The following BTG4 variants were observed in gnomAD, a reference collection of about 807,000 sequenced individuals.
The protein encoded by BTG4 is BTG anti-proliferation factor 4.
In BTG4, 10 loss-of-function variants were observed where a neutral mutation model predicts 19.3. The ratio of observed to expected loss-of-function variants is 0.52; its 90% CI spans 0.32 to 0.88. The LOEUF is 0.88. BTG4 is among the 40% of genes least tolerant of loss of function. BTG4 has a pLI of 0.04. For missense variants in BTG4, 238 were observed against 281.9 expected, an observed-to-expected ratio of 0.84 and a Z score of 1.11; for synonymous variants, 91 against 95.7, an observed-to-expected ratio of 0.95 and a Z score of 0.29.
upstream of BTG4, chr11:111,514,386 G>A (rs1385978611): frequency 3.9e-6 from 1 of 258,456 alleles, no homozygotes. Flanking sequence ...CACCTAGCAG[G>A]TGCTGTCCCT....
At chr11:111,442,101 C>T in the BTG4 span, among the ~76,000 whole-genome samples, 154 of 152,040 alleles carry the variant, frequency 1.0e-3, no homozygotes, top group African/African-American at 3.4e-3. Flanking sequence ...ACATAAGAGA[C>T]CAGAGCATAG....
chr11:111,403,547 C>A, the BTG4 span, among the ~76,000 whole-genome samples: 1 of 152,208 alleles, frequency 6.6e-6, no homozygotes, highest in Non-Finnish European at 1.5e-5. Flanking sequence ...GTCCATTCAA[C>A]CAAAACTAAC....
chr11:111,452,855 T>C, the BTG4 span, among the ~76,000 whole-genome samples: 2 of 152,144 alleles, frequency 1.3e-5, no homozygotes, highest in African/African-American at 4.8e-5. Flanking sequence ...GAAGAGTTGA[T>C]GCCTGAATGA....
chr11:111,501,241 G>GT lies in BTG4; in HGVS notation c.-26-2440dup, dbSNP rs1172952098. Among the ~76,000 whole-genome samples the GT allele has an allele frequency of 7.2e-5, 11 of 152,138 alleles. 1 individual carries two copies. The highest frequency in any genetic ancestry group is 7.2e-4 in the Admixed American group (11 of 15,270). ...AGTCAGCTTGATGTGGCATGTACCTGTAGCCCTAGCTACTCGAAAGGCTGA... is the reference window on the plus strand; with the variant it reads ...AGTCAGCTTGATGTGGCATGTACCTGTTAGCCCTAGCTACTCGAAAGGCTGA... On this transcript the variant is annotated intron_variant, in intron 1 of 4. Coordinates refer to ENST00000692032, the MANE Select transcript of BTG4 (RefSeq NM_001367975.1).
chr11:111,405,585 G>A, the BTG4 span, among the ~76,000 whole-genome samples: 1 of 152,114 alleles, frequency 6.6e-6, no homozygotes, highest in Non-Finnish European at 1.5e-5. Flanking sequence ...CTTTTTCAGG[G>A]GTGGATTGAT....
chr11:111,473,419 A>T (rs1591454580), intron 5 of BTG4: 1 of 152,654 alleles, frequency 6.6e-6, no homozygotes, highest in African/African-American at 2.4e-5. Context: ...GGGAGTGAAG[A>T]TAAGGTGAGA....
At chr11:111,438,107 G>A in the BTG4 span, among the ~76,000 whole-genome samples, 1 of 152,236 alleles carries the variant, frequency 6.6e-6, no homozygotes, top group Non-Finnish European at 1.5e-5. Flanking sequence ...CTGCTTAAAG[G>A]AAGAGGGGAA....
chr11:111,489,031 G>A (rs560700841), intron 5 of BTG4, among the ~76,000 whole-genome samples: 1 of 86,618 alleles, frequency 1.2e-5, no homozygotes, highest in South Asian at 5.8e-4. Flanking sequence ...TGTAATTCCA[G>A]CTACTCGGGA....
chr11:111,481,493 C>T (rs1864738909), intron 5 of BTG4, among the ~76,000 whole-genome samples: 1 of 151,542 alleles, frequency 6.6e-6, no homozygotes, highest in South Asian at 2.1e-4. Context: ...TATAGTATTA[C>T]TCTGATAACA....
At chr11:111,425,979 C>T in the BTG4 span, among the ~76,000 whole-genome samples, 6 of 151,896 alleles carry the variant, frequency 4.0e-5, no homozygotes, top group Middle Eastern at 3.4e-3. Context: ...TTCAGTGAGC[C>T]GAGATTGCGC....
the BTG4 span, among the ~76,000 whole-genome samples, chr11:111,440,962 A>T: frequency 6.6e-6 from 1 of 152,132 alleles, no homozygotes; most frequent in African/African-American, 2.4e-5. Context: ...TGTATGCAAT[A>T]CCTGGTCAGA....
chr11:111,405,527 A>G, the BTG4 span, among the ~76,000 whole-genome samples: 1 of 149,592 alleles, frequency 6.7e-6, no homozygotes, highest in Admixed American at 6.6e-5. Context: ...TTTCTGGGAC[A>G]CCAGGCAAGC....
At chr11:111,491,349 G>C (rs1167634682), downstream of BTG4, among the ~76,000 whole-genome samples, 1 of 152,116 alleles carries the variant, frequency 6.6e-6, no homozygotes, top group African/African-American at 2.4e-5. Context: ...CTAAAGTTTT[G>C]CAAAATGTTA....
At chr11:111,499,710 T>C (rs1039912958) in intron 1 of BTG4, among the ~76,000 whole-genome samples, 10 of 152,316 alleles carry the variant, frequency 6.6e-5, no homozygotes, top group African/African-American at 2.4e-4. Context: ...GAGCAGTCAT[T>C]ATGTTGACTA....
the BTG4 span, among the ~76,000 whole-genome samples, chr11:111,432,839 T>G: frequency 1.1e-4 from 16 of 152,204 alleles, no homozygotes; most frequent in Non-Finnish European, 1.8e-4. Flanking sequence ...CTATTTCTAC[T>G]TCTTAAGTAA....
At chr11:111,509,197 T>C (rs1640588090) in intron 1 of BTG4, among the ~76,000 whole-genome samples, 1 of 152,176 alleles carries the variant, frequency 6.6e-6, no homozygotes, top group Non-Finnish European at 1.5e-5. Flanking sequence ...TCATTTTAGC[T>C]CAAAAGAAAA....
At chr11:111,422,941 T>C in the BTG4 span, among the ~76,000 whole-genome samples, 1 of 152,152 alleles carries the variant, frequency 6.6e-6, no homozygotes, top group Admixed American at 6.5e-5. Context: ...ACCTCTCTGT[T>C]TTCCCCCACC....
chr11:111,510,364 C>T (rs955439471), intron 1 of BTG4, among the ~76,000 whole-genome samples: 5 of 152,192 alleles, frequency 3.3e-5, no homozygotes, highest in Non-Finnish European at 5.9e-5. Flanking sequence ...CTTGTCTCTC[C>T]TGATAGCTCC....
At chr11:111,423,449 G>C in the BTG4 span, among the ~76,000 whole-genome samples, 1 of 152,188 alleles carries the variant, frequency 6.6e-6, no homozygotes, top group East Asian at 1.9e-4. Flanking sequence ...AATGGCATGT[G>C]TTCCAAGGTC....
Sources: gnomAD v4.1 joint callset for allele counts (sites outside exome capture counted in the v4.1 genomes callset) on GRCh38, gnomAD v4.1.1 for gene constraint, MANE v1.5 for transcripts, NCBI Gene and HGNC (gene_info 2026-07-23, HGNC 2026-07-21) for gene names.